Variants in ADAMTS12 observed in about 807,000 individuals in gnomAD.
ADAMTS12 encodes A disintegrin and metalloproteinase with thrombospondin motifs 12.
ADAMTS12 carries 118 observed loss-of-function variants against 167.8 expected under a neutral mutation model. That is an observed-to-expected ratio of 0.70 (90% CI 0.61 to 0.82). The LOEUF (loss-of-function observed/expected upper bound fraction) is 0.82, where lower values mean the gene tolerates loss of function less well. Ranked by LOEUF, ADAMTS12 falls within the 40% of genes least tolerant of loss-of-function variation. The pLI, the probability that ADAMTS12 is intolerant of heterozygous loss-of-function variation, is 0.00. For missense variants in ADAMTS12, 1,916 were observed against 1,998.8 expected (o/e 0.96, Z 0.79); for synonymous variants, 704 against 716.9 (o/e 0.98, Z 0.29).
chr5:33,863,912 C>T (rs1021889206), intron 2 of ADAMTS12, among the ~76,000 whole-genome samples: 8 of 152,164 alleles, frequency 5.3e-5, no homozygotes, highest in Non-Finnish European at 7.4e-5. Flanking sequence ...ACATCTACAA[C>T]CATCTGATCT....
chr5:33,736,649 T>C (rs1744385398), intron 3 of ADAMTS12, among the ~76,000 whole-genome samples: 2 of 152,234 alleles, frequency 1.3e-5, no homozygotes, highest in African/African-American at 4.8e-5. Context: ...CCAATAATGA[T>C]GCCTGACCAC....
chr5:33,671,513 A>T (rs1450710406), intron 5 of ADAMTS12, among the ~76,000 whole-genome samples: 3 of 152,200 alleles, frequency 2.0e-5, no homozygotes, highest in Non-Finnish European at 4.4e-5. Context: ...GAAAAATACA[A>T]AAACACCTTA....
Position 33,891,987 on chromosome 5 carries a change from A to C in ADAMTS12, c.-131T>G. The C allele has an allele frequency of 8.7e-7, 1 of 1,151,030 alleles. No homozygotes were observed. Among genetic ancestry groups the C allele is most frequent in the Non-Finnish European group, 1.2e-6 (1 of 819,672 alleles). 71.3% of individuals were successfully genotyped at this position (1,151,030 alleles called of 1,614,324 possible). A position where few individuals can be genotyped will look rare whatever the true frequency, so the allele number is the denominator to read the frequency against. On this transcript the variant is annotated 5_prime_UTR_variant, in exon 1 of 24. Coordinates refer to ENST00000504830, the MANE Select transcript of ADAMTS12 (RefSeq NM_030955.4). ...AGGCGCGAGAAGGCAGCGACTGCAA[A>C]GCTGCCCGCGATCTCCCTGTGCTTT...
At chr5:33,640,872 C>G (rs1220421968) in intron 11 of ADAMTS12, among the ~76,000 whole-genome samples, 2 of 147,802 alleles carry the variant, frequency 1.4e-5, no homozygotes, top group Non-Finnish European at 3.0e-5. Context: ...TTCATATATA[C>G]ATATACTTAT....
chr5:33,809,519 C>T (rs1747368217), intron 2 of ADAMTS12, among the ~76,000 whole-genome samples: 2 of 152,084 alleles, frequency 1.3e-5, no homozygotes, highest in Admixed American at 6.5e-5. Context: ...TGTTGTGATG[C>T]ACCTAGATTT....
chr5:33,811,194 G>A (rs1414163453), intron 2 of ADAMTS12, among the ~76,000 whole-genome samples: 2 of 152,176 alleles, frequency 1.3e-5, no homozygotes, highest in African/African-American at 2.4e-5. Context: ...ATAATGAAAT[G>A]TAAGAGCACT....
chr5:33,638,647 T>C (rs1487578029), intron 11 of ADAMTS12, among the ~76,000 whole-genome samples: 1 of 152,220 alleles, frequency 6.6e-6, no homozygotes, highest in Non-Finnish European at 1.5e-5. Flanking sequence ...TGACACTTTG[T>C]GTGCCAGCTG....
At chr5:33,800,295 C>T (rs373885463) in intron 2 of ADAMTS12, among the ~76,000 whole-genome samples, 12 of 152,134 alleles carry the variant, frequency 7.9e-5, no homozygotes, top group African/African-American at 2.2e-4. Flanking sequence ...GTATAACACA[C>T]GTCCCTGCCC....
chr5:33,705,605 G>T (rs1197459021), intron 3 of ADAMTS12, among the ~76,000 whole-genome samples: 1 of 152,112 alleles, frequency 6.6e-6, no homozygotes, highest in East Asian at 1.9e-4. Context: ...ATGAGGTCAG[G>T]AGTTTGAGAC....
chr5:33,548,194 T>C (rs375581353), intron 21 of ADAMTS12, among the ~76,000 whole-genome samples: 7 of 152,224 alleles, frequency 4.6e-5, no homozygotes, highest in African/African-American at 1.7e-4. Flanking sequence ...TATTGATTCA[T>C]TCTTTCTCCT....
At chr5:33,802,314 C>A (rs1579949118) in intron 2 of ADAMTS12, among the ~76,000 whole-genome samples, 1 of 152,208 alleles carries the variant, frequency 6.6e-6, no homozygotes, top group East Asian at 1.9e-4. Flanking sequence ...AAAGTTGTTA[C>A]TGTGTTGAAC....
chr5:33,718,497 C>T (rs763517595), intron 3 of ADAMTS12, among the ~76,000 whole-genome samples: 2 of 152,156 alleles, frequency 1.3e-5, no homozygotes, highest in African/African-American at 2.4e-5. Context: ...AGGTTGTGTG[C>T]TCCTTATGAG....
intron 18 of ADAMTS12, among the ~76,000 whole-genome samples, chr5:33,583,166 A>T (rs933884350): frequency 6.6e-6 from 1 of 152,148 alleles, no homozygotes; most frequent in African/African-American, 2.4e-5. Flanking sequence ...GCCTCTAGTA[A>T]CTATCCTTCT....
chr5:33,886,123 C>A (rs1026096674), intron 1 of ADAMTS12, among the ~76,000 whole-genome samples: 13 of 152,194 alleles, frequency 8.5e-5, no homozygotes, highest in Admixed American at 7.2e-4. Context: ...CAGATTTAAA[C>A]ATGATTTTTG....
At position 33,609,960 on chromosome 5, in the gene ADAMTS12, A is replaced by G. The variant is rs549643254; in HGVS notation, c.2527+4278T>C. Among the ~76,000 whole-genome samples the G allele has an allele frequency of 6.6e-5, 10 of 152,010 alleles. 1 individual carries two copies. The South Asian group carries it at 2.1e-3, about 32-fold the overall frequency. On this transcript the variant is annotated intron_variant, in intron 16 of 23. Transcript: ENST00000504830. ...TTTGGGAGGCCAAAGTGGGCGGATC[A>G]CCTGAGGTCAGGAGCTCGAGACCCG...
chr5:33,779,802 C>A (rs980969953), intron 2 of ADAMTS12, among the ~76,000 whole-genome samples: 1 of 152,032 alleles, frequency 6.6e-6, no homozygotes, highest in Non-Finnish European at 1.5e-5. Context: ...ATGGTTGTCA[C>A]CAAAGGCTGG....
chr5:33,696,073 T>C (rs1742748288), intron 3 of ADAMTS12, among the ~76,000 whole-genome samples: 1 of 152,100 alleles, frequency 6.6e-6, no homozygotes, highest in Non-Finnish European at 1.5e-5. Context: ...GGTGTTAATG[T>C]TTCAGTACTT....
chr5:33,663,923 T>G (rs1321611958), intron 5 of ADAMTS12, among the ~76,000 whole-genome samples: 1 of 152,180 alleles, frequency 6.6e-6, no homozygotes, highest in Admixed American at 6.6e-5. Flanking sequence ...TTACAAAAAG[T>G]GAAATACTTA....
At chr5:33,791,764 CCTTTT>C (rs1399855318) in intron 2 of ADAMTS12, among the ~76,000 whole-genome samples, 1 of 147,336 alleles carries the variant, frequency 6.8e-6, no homozygotes, top group Non-Finnish European at 1.5e-5. Flanking sequence ...TTTTTTATTT[CCTTTT>C]CTTTTTTTTT....
Sources: allele counts gnomAD v4.1 joint callset (sites outside exome capture counted in the v4.1 genomes callset), GRCh38; gene constraint gnomAD v4.1.1; transcripts MANE v1.5; gene names NCBI Gene and HGNC (gene_info 2026-07-23, HGNC 2026-07-21).